Variants in DGKG observed in about 807,000 individuals in gnomAD.
DGKG encodes diacylglycerol kinase gamma, also known as DAG kinase gamma.
In DGKG, 78 loss-of-function variants were observed where a neutral mutation model predicts 105.3. That is an observed-to-expected ratio of 0.74 (90% confidence interval 0.62 to 0.89). The LOEUF (loss-of-function observed/expected upper bound fraction) is 0.89, where lower values mean the gene tolerates loss of function less well. Ranked by LOEUF, DGKG falls within the 40% of genes least tolerant of loss-of-function variation. The pLI, the probability that DGKG is intolerant of heterozygous loss-of-function variation, is 0.00. For synonymous variants in DGKG, 346 were observed against 367.1 expected, an observed-to-expected ratio of 0.94 and a Z score of 0.66; for missense variants, 958 against 1,020.1, an observed-to-expected ratio of 0.94 and a Z score of 0.83.
intron 16 of DGKG, 74 bp from the exon 17 acceptor site, chr3:186,258,013 G>C: frequency 9.2e-7 from 1 of 1,088,582 alleles, no homozygotes; most frequent in South Asian, 1.3e-5. Context: ...TTGAGTCAGA[G>C]TCTGCCCTGT....
rs561878101 is a variant in DGKG at position 186,186,774 on chromosome 3, G to T, written c.2095+1428C>A. Among the ~76,000 whole-genome samples the T allele has an allele frequency of 5.3e-5, 8 of 152,288 alleles. No individual in the cohort carries two copies. In the East Asian group the frequency reaches 1.5e-3, roughly 29 times the overall value. On this transcript the variant is annotated intron_variant, in intron 22 of 24. Transcript: ENST00000265022. ...CTGTGAGGACCCGTGAGCCCACAGG[G>T]GAATCAGCTGCCAGGAGCTTTGATT...
intron 22 of DGKG, among the ~76,000 whole-genome samples, chr3:186,175,366 G>C (rs946881748): frequency 2.0e-5 from 3 of 152,182 alleles, no homozygotes; most frequent in African/African-American, 4.8e-5. Context: ...AAACCTGCTC[G>C]TGTGGTGGGT....
At chr3:186,273,210 G>T (rs1215574740) in intron 10 of DGKG, among the ~76,000 whole-genome samples, 1 of 152,096 alleles carries the variant, frequency 6.6e-6, no homozygotes, top group Admixed American at 6.5e-5. Flanking sequence ...ACGTGTCTGG[G>T]TCAGAGTAGC....
chr3:186,291,624 A>T (rs1240052990), intron 5 of DGKG, among the ~76,000 whole-genome samples: 1 of 152,200 alleles, frequency 6.6e-6, no homozygotes, highest in Non-Finnish European at 1.5e-5. Flanking sequence ...CATGGAGTGA[A>T]AAAAGGCAGA....
chr3:186,320,312 A>T (rs1360106811), intron 2 of DGKG, 81 bp downstream of exon 2: 3 of 1,552,828 alleles, frequency 1.9e-6, no homozygotes, highest in Non-Finnish European at 2.7e-6. Context: ...CTTTGCAATG[A>T]TCATACTGCT....
chr3:186,155,406 C>A (rs1203534117), intron 24 of DGKG, among the ~76,000 whole-genome samples: 5 of 152,236 alleles, frequency 3.3e-5, no homozygotes, highest in Admixed American at 6.5e-5. Flanking sequence ...GTTGGCCAGG[C>A]TGGTCTTGAA....
At position 186,149,885 on chromosome 3, in the gene DGKG, C is replaced by T; in HGVS notation, c.*205G>A. On this transcript the variant is annotated 3_prime_UTR_variant, in exon 25 of 25. Coordinates refer to ENST00000265022, the MANE Select transcript of DGKG (RefSeq NM_001346.3). ...TCAAAATGTTTTGTTGGCACTGGCT[C>T]TGTTAGGGGTGTACCCACTGTTGAA... 7.3e-7 allele frequency: 1 copy of T among 1,363,472 alleles called. No homozygotes were observed. Among genetic ancestry groups the T allele is most frequent in the Non-Finnish European group, 9.4e-7 (1 of 1,061,146 alleles). 84.5% of individuals were successfully genotyped at this position (1,363,472 alleles called of 1,614,324 possible).
intron 24 of DGKG, among the ~76,000 whole-genome samples, chr3:186,152,977 T>A (rs1454561849): frequency 2.0e-5 from 3 of 151,304 alleles, no homozygotes; most frequent in African/African-American, 7.3e-5. Flanking sequence ...TTTTTTTTTT[T>A]TTTTATTTAG....
Position 186,284,097 on chromosome 3 carries a change from T to C in DGKG, c.594+563A>G, listed in dbSNP as rs1722949700. Among the ~76,000 whole-genome samples, 1 of 152,014 alleles carries C rather than the reference T, an allele frequency of 6.6e-6. No individual in the cohort carries two copies. Among genetic ancestry groups the C allele is most frequent in the African/African-American group, 2.4e-5 (1 of 41,378 alleles). On this transcript the variant is annotated intron_variant, in intron 7 of 24. Transcript: ENST00000265022. This position sits in a 1 kb window ranked among gnomAD's most constrained non-coding sequence, Gnocchi z 4.0. ...GAGTCTCAGGCTTTCTCAGGTGCAATGGGATGGGAACATGTACTTAGAGCA... is the reference window on the plus strand; with the variant it reads ...GAGTCTCAGGCTTTCTCAGGTGCAACGGGATGGGAACATGTACTTAGAGCA...
At chr3:186,262,065 ACAG>A (rs1721802907) in intron 14 of DGKG, 1 of 293,834 alleles carries the variant, frequency 3.4e-6, no homozygotes, top group Non-Finnish European at 6.4e-6. Flanking sequence ...TCTTGTACCT[ACAG>A]CACAAGATGA....
chr3:186,265,187 GC>G lies in DGKG; in HGVS notation c.1269+59del, dbSNP rs542020062. 8.7e-5 allele frequency: 134 copies of G among 1,542,744 alleles called. No individual in the cohort carries two copies. In the African/African-American group the frequency reaches 1.7e-3, roughly 19 times the overall value. On this transcript the variant is annotated intron_variant, in intron 14 of 24. Coordinates refer to ENST00000265022, the MANE Select transcript of DGKG (RefSeq NM_001346.3). ...TTCTGTAGAACCCAAACCCCGTCTT[GC>G]CCGCCACAGCCCTGGAACAACTTAG...
At chr3:186,161,310 CA>C in intron 24 of DGKG, 1 of 1,233,830 alleles carries the variant, frequency 8.1e-7, no homozygotes, top group Non-Finnish European at 1.0e-6. Context: ...GTCCAGGATA[CA>C]GTAGATGAAG....
At chr3:186,195,174 A>C (rs545435894) in intron 21 of DGKG, among the ~76,000 whole-genome samples, 1 of 152,160 alleles carries the variant, frequency 6.6e-6, no homozygotes, top group Non-Finnish European at 1.5e-5. Context: ...CGTGTACCCC[A>C]AAACCCAGTC....
chr3:186,186,223 T>A lies in DGKG; in HGVS notation c.2095+1979A>T, dbSNP rs186047390. ...ACAATCTGATTGTCAAATAGACGGG[T>A]GTGAAACAAGAGAATAACTTCCCCA... On this transcript the variant is annotated intron_variant, in intron 22 of 24. Transcript: ENST00000265022. Among the ~76,000 whole-genome samples the A allele has an allele frequency of 3.0e-3, 448 of 151,706 alleles. 3 individuals carry two copies. The highest frequency in any genetic ancestry group is 0.01 in the African/African-American group (424 of 41,294).
intron 2 of DGKG, among the ~76,000 whole-genome samples, chr3:186,310,291 C>CAAAAAAAAAAAAAA (rs1724476497): frequency 1.4e-4 from 8 of 56,754 alleles, no homozygotes; most frequent in Non-Finnish European, 2.5e-4. Context: ...AAAAAAAAAC[C>CAAAAAAAAAAAAAA]ACACACACAC....
intron 21 of DGKG, among the ~76,000 whole-genome samples, chr3:186,193,434 TTCCCC>T (rs1718002600): frequency 6.6e-6 from 1 of 152,184 alleles, no homozygotes; most frequent in Non-Finnish European, 1.5e-5. Context: ...TCATCACAGG[TTCCCC>T]AACCTCTGTG....
chr3:186,359,673 C>T (rs957808698), intron 1 of DGKG, among the ~76,000 whole-genome samples: 6 of 152,134 alleles, frequency 3.9e-5, no homozygotes, highest in Non-Finnish European at 8.8e-5. Flanking sequence ...AAATTTAACA[C>T]CATGCAAAGT....
At chr3:186,315,144 CCAAA>C (rs1257973600) in intron 2 of DGKG, among the ~76,000 whole-genome samples, 1 of 152,194 alleles carries the variant, frequency 6.6e-6, no homozygotes, top group East Asian at 1.9e-4. Context: ...CCTATAGTGT[CCAAA>C]CAAACTCTCT....
chr3:186,206,213 G>A (rs1380896488), intron 21 of DGKG, among the ~76,000 whole-genome samples: 3 of 152,046 alleles, frequency 2.0e-5, no homozygotes, highest in Non-Finnish European at 2.9e-5. Context: ...GTGAAATCCC[G>A]TCTCTACTAA....
Sources: gnomAD v4.1 joint callset for allele counts (sites outside exome capture counted in the v4.1 genomes callset) on GRCh38, gnomAD v4.1.1 for gene constraint, Gnocchi (gnomAD v3.1) non-coding constraint, MANE v1.5 for transcripts, NCBI Gene and HGNC (gene_info 2026-07-23, HGNC 2026-07-21) for gene names.